Variants in KANTR observed in about 807,000 individuals in gnomAD.
The protein encoded by KANTR is KANTR integral membrane protein, also known as KDM5C adjacent transcript.
At chrX:53,133,826 G>T (rs782158216) in intron 2 of KANTR, among the ~76,000 whole-genome samples, 1 of 111,360 alleles carries the variant, frequency 9.0e-6, no homozygotes, top group East Asian at 2.8e-4. Flanking sequence ...TGAGACATGG[G>T]TGTATTTTCC....
chrX:53,100,174 G>C (rs2146715092), intron 2 of KANTR, among the ~76,000 whole-genome samples: 1 of 112,429 alleles, frequency 8.9e-6, no homozygotes, highest in Non-Finnish European at 1.9e-5. Context: ...ATATAACGCT[G>C]TTTCAGCTAC....
rs185632350 is a variant in KANTR, at chrX:53,098,037, C to T, written c.-941-1435C>T. On this transcript the variant is annotated intron_variant, in intron 1 of 2. Coordinates refer to ENST00000604062, the Ensembl canonical transcript of KANTR. ...CTGCACTCCATCCTGGGTGACACAG[C>T]GAGACTCTGTCTCAAAAAAAAAAAA... 8.4e-3 allele frequency among the ~76,000 whole-genome samples: 664 copies of T among 79,087 alleles called. 11 individuals are homozygous for T. The highest frequency in any genetic ancestry group is 0.035 in the African/African-American group (639 of 18,227). The allele number at this position is 79,087 out of a possible 115,157, so 68.7% of individuals were successfully genotyped here. A position where few individuals can be genotyped will look rare whatever the true frequency, so the allele number is the denominator to read the frequency against.
At chrX:53,109,385 A>G (rs1001790036) in intron 2 of KANTR, among the ~76,000 whole-genome samples, 1 of 112,094 alleles carries the variant, frequency 8.9e-6, no homozygotes, top group East Asian at 2.8e-4. Flanking sequence ...CCCAGTTTCA[A>G]ACGATTCTCC....
chrX:53,144,036 G>A, downstream of KANTR: 15 of 192,859 alleles, frequency 7.8e-5, no homozygotes, highest in East Asian at 1.3e-4. Context: ...GATTTTTGAT[G>A]GAAATTTATT....
exon 3 of KANTR, chrX:53,124,349 T>C (rs1380634796): frequency 3.4e-6 from 1 of 295,593 alleles, no homozygotes; most frequent in African/African-American, 2.7e-5. Flanking sequence ...ACCAGAGGTT[T>C]ATCTATTTTA....
At position 53,100,171 on chromosome X, in the gene KANTR, G is replaced by A. The variant is rs150871720; in HGVS notation, c.-805+563G>A. On this transcript the variant is annotated intron_variant, in intron 2 of 2. Transcript: ENST00000604062. ...AGATGGCATCTTCTCCCCATATAACGCTGTTTCAGCTACACTGAAAATCTG... is the reference window on the plus strand; with the variant it reads ...AGATGGCATCTTCTCCCCATATAACACTGTTTCAGCTACACTGAAAATCTG... Among the ~76,000 whole-genome samples, 25 of 112,237 alleles carry A rather than the reference G, an allele frequency of 2.2e-4. 2 individuals are homozygous for A. In the East Asian group the frequency reaches 6.7e-3, roughly 30 times the overall value.
At chrX:53,114,110 A>G (rs782384568) in intron 2 of KANTR, among the ~76,000 whole-genome samples, 54 of 111,138 alleles carry the variant, frequency 4.9e-4, no homozygotes, top group Non-Finnish European at 8.5e-4. Flanking sequence ...CATGTTGCCC[A>G]GGCTGGTCTC....
rs782394077 is a variant in KANTR at position 53,100,785 on chromosome X, CA to C, written c.-805+1181del. Among the ~76,000 whole-genome samples the C allele has an allele frequency of 2.7e-5, 3 of 112,065 alleles. No homozygotes were observed. In the East Asian group the frequency reaches 8.4e-4, roughly 31 times the overall value. ...TGCATTCCAGCCTGGGCAACAAGAG[CA>C]AAACTCCATCTCAAAAAACAAAAAG... On this transcript the variant is annotated intron_variant, in intron 2 of 2. Transcript: ENST00000604062.
chrX:53,147,506 C>G (rs1385706981), downstream of KANTR, among the ~76,000 whole-genome samples: 1 of 111,239 alleles, frequency 9.0e-6, no homozygotes, highest in Non-Finnish European at 1.9e-5. Context: ...TAGACTCCCA[C>G]ACAATAATAA....
downstream of KANTR, chrX:53,143,584 C>T (rs782045633): frequency 9.0e-5 from 57 of 634,734 alleles, no homozygotes; most frequent in African/African-American, 9.8e-4. Flanking sequence ...CCTTGGGGTT[C>T]GAGGGGCCTC....
intron 1 of KANTR, chrX:53,094,780 A>C (rs892791219): frequency 8.9e-6 from 1 of 112,048 alleles, no homozygotes; most frequent in Non-Finnish European, 1.9e-5. Context: ...TACCTGAGAC[A>C]ATGCATGTGC....
At chrX:53,126,821 T>A (rs1933296523) in exon 3 of KANTR, 1 of 111,676 alleles carries the variant, frequency 9.0e-6, no homozygotes, top group African/African-American at 3.3e-5. Context: ...ACCTATACTA[T>A]TCTTCTCTGA....
intron 2 of KANTR, among the ~76,000 whole-genome samples, chrX:53,110,180 T>C (rs1602117760): frequency 8.9e-6 from 1 of 112,277 alleles, no homozygotes; most frequent in East Asian, 2.8e-4. Flanking sequence ...TTCTCTTGAC[T>C]TATTCCTCTG....
At chrX:53,140,752 G>A (rs1036720432) in intron 2 of KANTR, among the ~76,000 whole-genome samples, 11 of 111,735 alleles carry the variant, frequency 9.8e-5, no homozygotes, top group Non-Finnish European at 2.1e-4. Context: ...CCAGGTACCT[G>A]ACAGTGCTGC....
chrX:53,118,313 C>G (rs1174743317), intron 2 of KANTR, among the ~76,000 whole-genome samples: 1 of 111,874 alleles, frequency 8.9e-6, no homozygotes, highest in South Asian at 3.7e-4. Flanking sequence ...TGATATTGTC[C>G]TCCTTCTTAT....
At chrX:53,111,504 C>T (rs913392144) in intron 2 of KANTR, among the ~76,000 whole-genome samples, 7 of 111,041 alleles carry the variant, frequency 6.3e-5, no homozygotes, top group African/African-American at 2.3e-4. Flanking sequence ...ATAATTTTAC[C>T]TCTTAACCTT....
At position 53,104,090 on chromosome X, in the gene KANTR, A is replaced by G. The variant is rs182260173; in HGVS notation, c.-805+4482A>G. On this transcript the variant is annotated intron_variant, in intron 2 of 2. Transcript: ENST00000604062. ...GGTCTTACTGTATTGCCCAGGCTGG[A>G]CTTGAACTCCTGGGCTCAAGTGATC... Among the ~76,000 whole-genome samples the G allele has an allele frequency of 4.7e-3, 517 of 110,550 alleles. 3 individuals are homozygous for G. Among genetic ancestry groups the G allele is most frequent in the African/African-American group, 0.016 (494 of 30,432 alleles).
exon 3 of KANTR, chrX:53,142,575 A>G (rs2146760112): frequency 7.1e-6 from 2 of 281,614 alleles, no homozygotes; most frequent in Non-Finnish European, 6.7e-6. Flanking sequence ...CGGCCTCCCA[A>G]AGTGCTGGGA....
intron 2 of KANTR, chrX:53,113,014 CAG>C (rs1200088187): frequency 1.0e-4 from 16 of 157,850 alleles, no homozygotes; most frequent in Non-Finnish European, 1.6e-4. Context: ...ATATCCCACT[CAG>C]GGGATATCAA....
Sources: allele counts gnomAD v4.1 joint callset (sites outside exome capture counted in the v4.1 genomes callset), GRCh38; gene constraint gnomAD v4.1.1; transcripts MANE v1.5; gene names NCBI Gene and HGNC (gene_info 2026-07-23, HGNC 2026-07-21).